KCNN3: variants seen among roughly 807,000 people sequenced by gnomAD.
KCNN3 encodes potassium calcium-activated channel subfamily N member 3.
KCNN3 carries 16 observed loss-of-function variants against 62.9 expected under a neutral mutation model. The observed-to-expected ratio is 0.25, with a 90% CI of 0.17 to 0.39. The LOEUF is 0.39. Ranked by LOEUF, KCNN3 falls within the 10% of genes least tolerant of loss-of-function variation. The pLI is 1.00. For missense variants in KCNN3, 599 were observed against 949.4 expected (o/e 0.63, Z 4.85); for synonymous variants, 370 against 389.2 (o/e 0.95, Z 0.58).
chr1:154,780,609 T>C (rs1158351910), intron 2 of KCNN3, among the ~76,000 whole-genome samples: 1 of 148,412 alleles, frequency 6.7e-6, no homozygotes, highest in Non-Finnish European at 1.5e-5. Context: ...TATATATATA[T>C]ATACATATAT....
rs1382781836 is a variant in KCNN3 at position 154,701,000 on chromosome 1, C to T, written c.*6976G>A. On this transcript the variant is annotated 3_prime_UTR_variant, in exon 8 of 8. Transcript: ENST00000271915. The stretch of plus-strand genomic sequence containing the variant: ...TTCAGATGGCTTTAGTGGAGCTCGG[C>T]CTAACATATAACTGAGGAGTAATAC... 6.6e-6 allele frequency: 1 copy of T among 151,964 alleles called. No homozygotes were observed. The highest frequency in any genetic ancestry group is 2.4e-5 in the African/African-American group (1 of 41,366). 9.4% of individuals were successfully genotyped at this position (151,964 alleles called of 1,614,324 possible). A position where few individuals can be genotyped will look rare whatever the true frequency, so the allele number is the denominator to read the frequency against.
chr1:154,740,463 A>G (rs1700803043), intron 3 of KCNN3, among the ~76,000 whole-genome samples: 1 of 152,168 alleles, frequency 6.6e-6, no homozygotes, highest in Non-Finnish European at 1.5e-5. Context: ...ATTCTTAATC[A>G]TAGCTCCTGG....
chr1:154,834,881 C>T (rs565459117), intron 1 of KCNN3, among the ~76,000 whole-genome samples: 6 of 152,192 alleles, frequency 3.9e-5, no homozygotes, highest in Non-Finnish European at 8.8e-5. Flanking sequence ...CTGAGACCTA[C>T]ACCCTGAGCT....
At chr1:154,768,991 A>C (rs903390749) in intron 3 of KCNN3, among the ~76,000 whole-genome samples, 14 of 152,164 alleles carry the variant, frequency 9.2e-5, no homozygotes, top group Admixed American at 6.5e-4. Context: ...CACACATGGA[A>C]GTTCAGAGTC....
rs531174687 is a variant in KCNN3, at chr1:154,721,543, C to T, written c.1701+4373G>A. 2.0e-5 allele frequency among the ~76,000 whole-genome samples: 3 copies of T among 152,144 alleles called. No homozygotes were observed. In the South Asian group the frequency reaches 6.2e-4, roughly 32 times the overall value. The stretch of plus-strand genomic sequence containing the variant: ...CTTGAACTCCTGACCTCAAGTGATC[C>T]GCCCACGTCGGCCTCGCAAAGTGCT... On this transcript the variant is annotated intron_variant, in intron 5 of 7. Coordinates refer to ENST00000271915, the MANE Select transcript of KCNN3 (RefSeq NM_002249.6).
chr1:154,817,652 C>T (rs1571305939), intron 2 of KCNN3, among the ~76,000 whole-genome samples: 1 of 152,210 alleles, frequency 6.6e-6, no homozygotes, highest in African/African-American at 2.4e-5. Context: ...TTCCTCAAGC[C>T]TGGGTCATAA....
chr1:154,790,547 T>C (rs1267843853), intron 2 of KCNN3, among the ~76,000 whole-genome samples: 1 of 152,206 alleles, frequency 6.6e-6, no homozygotes, highest in Non-Finnish European at 1.5e-5. Flanking sequence ...GGTAGAGTAC[T>C]GTATCAGTTG....
At position 154,822,170 on chromosome 1, in the gene KCNN3, C is replaced by A; in HGVS notation, c.948G>T (p.Ser316=). The part of the protein sequence containing the change: ...WGLYSKDSMF[S]LALKCLISLS... ...GACTGATAAGGCATTTCAGGGCCAA[C>A]GAAAACATGGAGTCCTGCAGGAACA... Residue 316 remains serine (S), a synonymous_variant, in exon 2 of 8, where the codon TCG becomes TCT. Coordinates refer to ENST00000271915, the MANE Select transcript of KCNN3 (RefSeq NM_002249.6). 2 of 1,613,022 alleles carry A rather than the reference C, an allele frequency of 1.2e-6. No individual in the cohort carries two copies. Among genetic ancestry groups the A allele is most frequent in the Non-Finnish European group, 1.7e-6 (2 of 1,179,018 alleles).
chr1:154,849,029 C>A (rs887838180), intron 1 of KCNN3, among the ~76,000 whole-genome samples: 6 of 152,140 alleles, frequency 3.9e-5, no homozygotes, highest in Non-Finnish European at 1.5e-5. Flanking sequence ...GACAGCAAAC[C>A]CCATCTTTTC....
intron 2 of KCNN3, among the ~76,000 whole-genome samples, chr1:154,813,441 C>G (rs1319966716): frequency 6.6e-6 from 1 of 152,080 alleles, no homozygotes; most frequent in African/African-American, 2.4e-5. Flanking sequence ...TCATCTTAAG[C>G]CCGCAGGGGA....
At chr1:154,831,083 T>C (rs556290669) in intron 1 of KCNN3, among the ~76,000 whole-genome samples, 56 of 152,332 alleles carry the variant, frequency 3.7e-4, no homozygotes, top group African/African-American at 1.3e-3. Context: ...TTTTATTACA[T>C]GTTTGCCATG....
At chr1:154,848,936 G>T (rs1652196860) in intron 1 of KCNN3, among the ~76,000 whole-genome samples, 1 of 152,182 alleles carries the variant, frequency 6.6e-6, no homozygotes, top group Non-Finnish European at 1.5e-5. Context: ...CGGGGCCAGT[G>T]CCTGCCACAG....
chr1:154,811,708 AT>A (rs536181939), intron 2 of KCNN3, among the ~76,000 whole-genome samples: 1 of 152,094 alleles, frequency 6.6e-6, no homozygotes, highest in African/African-American at 2.4e-5. Context: ...TGATTTTGCC[AT>A]TTTTTCTCTT....
rs1571298485 is a variant in KCNN3, at chr1:154,809,931, T to C, written c.1029+12158A>G. Among the ~76,000 whole-genome samples, 1 of 152,168 alleles carries C rather than the reference T, an allele frequency of 6.6e-6. No homozygotes were observed. Among genetic ancestry groups the C allele is most frequent in the Non-Finnish European group, 1.5e-5 (1 of 68,038 alleles). On this transcript the variant is annotated intron_variant, in intron 2 of 7. Transcript: ENST00000271915. This position sits in a 1 kb window ranked among gnomAD's most constrained non-coding sequence, Gnocchi z 4.3. Reference sequence around the variant, plus strand: ...TGCAGTAACAAAGTGAGAAAGCAGGTCGGTGCCTTCTGTACTGACCTGATC... The same window carrying C: ...TGCAGTAACAAAGTGAGAAAGCAGGCCGGTGCCTTCTGTACTGACCTGATC...
intron 2 of KCNN3, among the ~76,000 whole-genome samples, chr1:154,813,273 T>A (rs1650510010): frequency 1.3e-5 from 2 of 151,558 alleles, no homozygotes; most frequent in Non-Finnish European, 1.5e-5. Context: ...GGGACTGTGA[T>A]TTTTTGTATC....
intron 3 of KCNN3, among the ~76,000 whole-genome samples, chr1:154,755,816 A>AGG (rs1647651253): frequency 7.7e-6 from 1 of 130,552 alleles, no homozygotes. Context: ...AGAAGAAGGC[A>AGG]AAGAAGAAGA....
chr1:154,830,801 G>A (rs1324166954), intron 1 of KCNN3, among the ~76,000 whole-genome samples: 2 of 152,100 alleles, frequency 1.3e-5, no homozygotes, highest in East Asian at 3.9e-4. Flanking sequence ...AAGAGAAAAT[G>A]ATCCTCCCCA....
intron 1 of KCNN3, among the ~76,000 whole-genome samples, chr1:154,863,433 A>G (rs1652839152): frequency 1.3e-5 from 2 of 152,066 alleles, no homozygotes; most frequent in Admixed American, 6.6e-5. Flanking sequence ...AAGAACTACA[A>G]ATGAATGTGC....
chr1:154,778,595 C>CCCTCTCT (rs1301268235), intron 2 of KCNN3, among the ~76,000 whole-genome samples: 2 of 150,966 alleles, frequency 1.3e-5, no homozygotes, highest in Non-Finnish European at 2.9e-5. Context: ...ATTTCTCTCT[C>CCCTCTCT]CCTCTCTCTC....
Sources: allele counts gnomAD v4.1 joint callset (sites outside exome capture counted in the v4.1 genomes callset), GRCh38; gene constraint gnomAD v4.1.1; non-coding constraint Gnocchi (gnomAD v3.1); transcripts MANE v1.5; gene names NCBI Gene and HGNC (gene_info 2026-07-23, HGNC 2026-07-21).